The following RELL1 variants were observed in gnomAD, a reference collection of about 807,000 sequenced individuals.
RELL1 encodes the protein RELT-like protein 1.
A neutral mutation model predicts 23.0 loss-of-function variants in RELL1; 10 were observed. The observed-to-expected ratio is 0.43, with a 90% confidence interval of 0.27 to 0.74. The LOEUF (loss-of-function observed/expected upper bound fraction) is 0.74, where lower values mean the gene tolerates loss of function less well. Among genes scored for constraint, RELL1 ranks in the 30% least tolerant of loss-of-function variants. RELL1 has a pLI of 0.19. For missense variants in RELL1, 315 were observed against 364.4 expected, an observed-to-expected ratio of 0.86 and a Z score of 1.10; for synonymous variants, 146 against 146.8, an observed-to-expected ratio of 0.99 and a Z score of 0.04.
chr4:37,597,681 C>G (rs1398037962), intron 6 of RELL1, among the ~76,000 whole-genome samples: 1 of 152,170 alleles, frequency 6.6e-6, no homozygotes, highest in Non-Finnish European at 1.5e-5. Context: ...GACACAAGAT[C>G]TAAGGTCCAA....
chr4:37,664,316 G>A (rs1281967008), intron 1 of RELL1, among the ~76,000 whole-genome samples: 1 of 151,686 alleles, frequency 6.6e-6, no homozygotes, highest in Admixed American at 6.6e-5. Context: ...GAACCTGGGA[G>A]GCAGGGCTTG....
intron 1 of RELL1, among the ~76,000 whole-genome samples, chr4:37,675,075 G>C (rs946462437): frequency 2.0e-5 from 3 of 152,154 alleles, no homozygotes; most frequent in East Asian, 3.8e-4. Context: ...CTAATGACAT[G>C]TAAACTGAAT....
chr4:37,660,947 C>T (rs1361704974), intron 1 of RELL1, among the ~76,000 whole-genome samples: 2 of 151,600 alleles, frequency 1.3e-5, no homozygotes, highest in East Asian at 2.0e-4. Context: ...AGGAGAACAG[C>T]GTGAACCCGG....
At chr4:37,599,569 G>A (rs1294292493) in intron 6 of RELL1, among the ~76,000 whole-genome samples, 3 of 152,152 alleles carry the variant, frequency 2.0e-5, no homozygotes, top group Non-Finnish European at 4.4e-5. Flanking sequence ...CTATCTATAG[G>A]AACAATGGGG....
At chr4:37,624,455 T>G (rs1719872944) in intron 6 of RELL1, among the ~76,000 whole-genome samples, 1 of 149,064 alleles carries the variant, frequency 6.7e-6, no homozygotes, top group African/African-American at 2.5e-5. Flanking sequence ...AGTCTCCCTC[T>G]GTCGCCCAGG....
chr4:37,602,574 G>T (rs561261794), intron 6 of RELL1, among the ~76,000 whole-genome samples: 3 of 151,976 alleles, frequency 2.0e-5, no homozygotes, highest in Non-Finnish European at 2.9e-5. Flanking sequence ...CTGATCAGCC[G>T]TGGGGGATGG....
chr4:37,683,403 T>C (rs556507538), intron 1 of RELL1, among the ~76,000 whole-genome samples: 137 of 152,352 alleles, frequency 9.0e-4, no homozygotes, highest in African/African-American at 3.2e-3. Context: ...TTAACCTCTC[T>C]TGCCTCAGTT....
At chr4:37,664,096 G>A (rs1282031827) in intron 1 of RELL1, among the ~76,000 whole-genome samples, 3 of 152,036 alleles carry the variant, frequency 2.0e-5, no homozygotes, top group Admixed American at 6.6e-5. Context: ...ACAAAAGATC[G>A]ACCGGGCGCA....
chr4:37,663,842 T>TG (rs1202413090), intron 1 of RELL1, among the ~76,000 whole-genome samples: 1 of 152,130 alleles, frequency 6.6e-6, no homozygotes, highest in Non-Finnish European at 1.5e-5. Context: ...ACCACACAGC[T>TG]GGGCTGCATA....
intron 6 of RELL1, among the ~76,000 whole-genome samples, chr4:37,626,950 G>A (rs1456539009): frequency 6.6e-6 from 1 of 152,148 alleles, no homozygotes; most frequent in African/African-American, 2.4e-5. Context: ...GAGATCTATT[G>A]TACAACATGG....
rs1719357098 is a variant in RELL1, at chr4:37,611,034, A to C, written c.*2312T>G. ...CTCAAGTATTTATTAGAAAATATTT[A>C]AAACATACTCTTGGTATCAATACAG... On this transcript the variant is annotated 3_prime_UTR_variant, in exon 7 of 7. Transcript: ENST00000454158. Among the ~76,000 whole-genome samples the C allele has an allele frequency of 6.6e-6, 1 of 152,242 alleles. No individual in the cohort carries two copies.
In RELL1 at chr4:37,630,356, G is replaced by GTTTTTTTTT. The variant is rs59763359; in HGVS notation, c.*3+1020_*3+1028dup. The stretch of plus-strand genomic sequence containing the variant: ...CAGGGTTCTGGTGCGTGTGTGTGTG[G>GTTTTTTTTT]TTTTTTTTTTTTTTTTTTTTTTTTT... On this transcript the variant is annotated intron_variant, in intron 6 of 6. Transcript: ENST00000454158. 9.2e-5 allele frequency among the ~76,000 whole-genome samples: 8 copies of GTTTTTTTTT among 86,744 alleles called. 1 individual carries two copies. Among genetic ancestry groups the GTTTTTTTTT allele is most frequent in the African/African-American group, 3.9e-4 (8 of 20,772 alleles). 56.9% of individuals were successfully genotyped at this position (86,744 alleles called of 152,430 possible).
chr4:37,604,894 C>G lies in RELL1; in HGVS notation c.*4-13677G>C, dbSNP rs1175271178. On this transcript the variant is annotated intron_variant, in intron 6 of 6. Transcript: ENST00000314117. The stretch of plus-strand genomic sequence containing the variant: ...ACACACACACATACACACAGACACA[C>G]ACACAGACACACACACACACACACA... Among the ~76,000 whole-genome samples the G allele has an allele frequency of 1.7e-3, 134 of 77,544 alleles. 4 individuals carry two copies. The highest frequency in any genetic ancestry group is 6.8e-3 in the Middle Eastern group (1 of 148). 50.9% of individuals were successfully genotyped at this position (77,544 alleles called of 152,430 possible).
chr4:37,605,236 C>T (rs2939736), intron 6 of RELL1, among the ~76,000 whole-genome samples: 130,027 of 152,054 alleles, frequency 0.86, 56,008 homozygotes, highest in Non-Finnish European at 0.9. Flanking sequence ...TGTGTGTATC[C>T]GCATGGGTTG....
At chr4:37,668,527 GCC>G (rs1171919387) in intron 1 of RELL1, among the ~76,000 whole-genome samples, 2 of 151,958 alleles carry the variant, frequency 1.3e-5, no homozygotes, top group East Asian at 3.9e-4. Context: ...GCTCAATGGT[GCC>G]CAGGCTGGAG....
chr4:37,639,622 C>A (rs2109270241), intron 3 of RELL1, among the ~76,000 whole-genome samples: 1 of 152,230 alleles, frequency 6.6e-6, no homozygotes, highest in African/African-American at 2.4e-5. Context: ...AGTGGTCACG[C>A]TCCCCAGGAT....
At chr4:37,680,924 T>A (rs187746309) in intron 1 of RELL1, among the ~76,000 whole-genome samples, 257 of 102,358 alleles carry the variant, frequency 2.5e-3, no homozygotes, top group African/African-American at 9.4e-3. Flanking sequence ...AGAGCAACAC[T>A]CCATCTCAAA....
At chr4:37,652,508 C>T (rs186328170) in intron 1 of RELL1, among the ~76,000 whole-genome samples, 10 of 152,280 alleles carry the variant, frequency 6.6e-5, no homozygotes, top group Admixed American at 3.9e-4. Context: ...ACATATTCCA[C>T]GCAACAAGAA....
In RELL1 at chr4:37,669,283, G is replaced by T. The variant is rs559216603; in HGVS notation, c.88+16917C>A. On this transcript the variant is annotated intron_variant, in intron 1 of 6. Transcript: ENST00000454158. ...AGCCGCCCCATCCGGGAGGTGAGGGGAGCCTCTGCCCGGCCGCCTCTACTG... is the reference window on the plus strand; with the variant it reads ...AGCCGCCCCATCCGGGAGGTGAGGGTAGCCTCTGCCCGGCCGCCTCTACTG... 6.8e-5 allele frequency among the ~76,000 whole-genome samples: 10 copies of T among 146,304 alleles called. No individual in the cohort carries two copies. In the East Asian group the frequency reaches 1.9e-3, roughly 27 times the overall value.
Sources: gnomAD v4.1 joint callset for allele counts (sites outside exome capture counted in the v4.1 genomes callset) on GRCh38, gnomAD v4.1.1 for gene constraint, MANE v1.5 for transcripts, NCBI Gene and HGNC (gene_info 2026-07-23, HGNC 2026-07-21) for gene names.